Variants in CDH4 observed in about 807,000 individuals in gnomAD.
The protein encoded by CDH4 is cadherin-4.
In CDH4, 33 loss-of-function variants were observed where a neutral mutation model predicts 86.0. The observed-to-expected ratio is 0.38, with a 90% CI of 0.29 to 0.51. The LOEUF (loss-of-function observed/expected upper bound fraction) is 0.51. CDH4 is among the 20% of genes least tolerant of loss of function. The pLI is 0.86. For missense variants in CDH4, 1,114 were observed against 1,307.4 expected, an observed-to-expected ratio of 0.85 and a Z score of 2.28; for synonymous variants, 555 against 549.4, an observed-to-expected ratio of 1.01 and a Z score of -0.14.
chr20:61,899,540 A>G (rs2427231), intron 8 of CDH4, among the ~76,000 whole-genome samples: 149,239 of 152,128 alleles, frequency 0.98, 73,255 homozygotes, highest in Middle Eastern at 1. Flanking sequence ...CCATTCTCCT[A>G]CCTCAGCCTC....
chr20:61,304,110 G>T (rs1230330973), intron 2 of CDH4, among the ~76,000 whole-genome samples: 1 of 152,152 alleles, frequency 6.6e-6, no homozygotes, highest in African/African-American at 2.4e-5. Context: ...GAAGGAAAAG[G>T]CCAGGCATTC....
chr20:61,693,862 G>A (rs1422088579), intron 2 of CDH4, among the ~76,000 whole-genome samples: 2 of 146,142 alleles, frequency 1.4e-5, no homozygotes, highest in South Asian at 2.2e-4. Context: ...TACTGAAAAC[G>A]CTTCTCAGAC....
intron 4 of CDH4, among the ~76,000 whole-genome samples, chr20:61,782,094 G>A (rs1978576368): frequency 6.6e-6 from 1 of 152,154 alleles, no homozygotes; most frequent in Non-Finnish European, 1.5e-5. Flanking sequence ...ATCACCTGAG[G>A]TCAGGAGTTC....
intron 2 of CDH4, among the ~76,000 whole-genome samples, chr20:61,537,856 ACAG>A (rs764466728): frequency 8.8e-4 from 134 of 152,280 alleles, no homozygotes; most frequent in Non-Finnish European, 1.6e-3. Flanking sequence ...CAGAAACATC[ACAG>A]CGCCATGAAA....
At chr20:61,723,461 G>C (rs1471985007) in intron 2 of CDH4, among the ~76,000 whole-genome samples, 1 of 152,190 alleles carries the variant, frequency 6.6e-6, no homozygotes, top group Non-Finnish European at 1.5e-5. Context: ...CTCCGGGCTT[G>C]GCTTCCCTTT....
chr20:61,729,840 G>A (rs995994566), intron 2 of CDH4, among the ~76,000 whole-genome samples: 3 of 152,184 alleles, frequency 2.0e-5, no homozygotes, highest in Admixed American at 6.5e-5. Flanking sequence ...AGAGGGAGAC[G>A]CAAGTTTAAT....
rs369666908 is a variant in CDH4 at position 61,846,647 on chromosome 20, C to T, written c.732+1824C>T. Among the ~76,000 whole-genome samples the T allele has an allele frequency of 1.4e-4, 21 of 152,226 alleles. No homozygotes were observed. In the South Asian group the frequency reaches 3.3e-3, roughly 24 times the overall value. On this transcript the variant is annotated intron_variant, in intron 5 of 15. Transcript: ENST00000614565. ...GACAGAAATAAAGAGAGAGACTGAC[C>T]GTGAGAAACAGATTCAGAGACAGAG...
chr20:61,488,201 C>T (rs2085606968), intron 2 of CDH4, among the ~76,000 whole-genome samples: 1 of 152,190 alleles, frequency 6.6e-6, no homozygotes, highest in Non-Finnish European at 1.5e-5. Flanking sequence ...TATTATTCTG[C>T]CCTCCAAAAG....
chr20:61,469,884 G>A (rs530977082), intron 2 of CDH4, among the ~76,000 whole-genome samples: 3 of 152,076 alleles, frequency 2.0e-5, no homozygotes, highest in African/African-American at 4.8e-5. Flanking sequence ...ATGTGGATTT[G>A]TTTCTGGGTT....
chr20:61,621,494 T>C (rs1421124072), intron 2 of CDH4, among the ~76,000 whole-genome samples: 1 of 152,226 alleles, frequency 6.6e-6, no homozygotes, highest in African/African-American at 2.4e-5. Flanking sequence ...TTGCCTAAAA[T>C]ACCATGCAGT....
chr20:61,637,066 TTTTG>T (rs2086954982), intron 2 of CDH4, among the ~76,000 whole-genome samples: 1 of 152,092 alleles, frequency 6.6e-6, no homozygotes. Flanking sequence ...AGTTTGGGGT[TTTTG>T]TTTGTTTTGC....
intron 2 of CDH4, among the ~76,000 whole-genome samples, chr20:61,683,225 C>G (rs1419855144): frequency 6.6e-6 from 1 of 152,102 alleles, no homozygotes; most frequent in Non-Finnish European, 1.5e-5. Flanking sequence ...CAGTATAGGG[C>G]AGACGATAAG....
chr20:61,346,199 G>T (rs761471001), intron 2 of CDH4, among the ~76,000 whole-genome samples: 11 of 152,190 alleles, frequency 7.2e-5, no homozygotes, highest in Non-Finnish European at 1.3e-4. Context: ...GGGGCTGAGT[G>T]TGTCTGGAAG....
chr20:61,276,041 A>G (rs1279295616), intron 2 of CDH4, among the ~76,000 whole-genome samples: 3 of 152,194 alleles, frequency 2.0e-5, no homozygotes, highest in Admixed American at 1.3e-4. Flanking sequence ...GTTATGCAGG[A>G]GCACTGCAGA....
chr20:61,468,067 TGAAGGAGGCTCACTA>T (rs2085483136), intron 2 of CDH4, among the ~76,000 whole-genome samples: 1 of 152,206 alleles, frequency 6.6e-6, no homozygotes, highest in Non-Finnish European at 1.5e-5. Flanking sequence ...ATGTTGCCAG[TGAAGGAGGCTCACTA>T]GAGCCTCCAT....
chr20:61,494,488 T>C (rs747891185), intron 2 of CDH4, among the ~76,000 whole-genome samples: 1 of 152,254 alleles, frequency 6.6e-6, no homozygotes, highest in Non-Finnish European at 1.5e-5. Flanking sequence ...GGAAGGCTTT[T>C]CTTTTTCTCT....
At chr20:61,405,393 C>T (rs2085076313) in intron 2 of CDH4, among the ~76,000 whole-genome samples, 1 of 152,080 alleles carries the variant, frequency 6.6e-6, no homozygotes, top group African/African-American at 2.4e-5. Context: ...TTTTACAGTG[C>T]GGCCCTTTAT....
intron 2 of CDH4, among the ~76,000 whole-genome samples, chr20:61,296,562 C>T (rs1454216574): frequency 6.6e-6 from 1 of 151,898 alleles, no homozygotes; most frequent in Non-Finnish European, 1.5e-5. Flanking sequence ...CACACACAAA[C>T]AGAAATCAGT....
chr20:61,850,922 C>T lies in CDH4; in HGVS notation c.733-1832C>T, dbSNP rs114821097. Among the ~76,000 whole-genome samples, 588 of 152,364 alleles carry T rather than the reference C, an allele frequency of 3.9e-3. 9 individuals carry two copies. Among genetic ancestry groups the T allele is most frequent in the African/African-American group, 0.013 (543 of 41,584 alleles). ...GCAGAGGCGGTATTTCCTCGTTATC[C>T]GCACTCGCGCTGCTCCCGCTGCTAC... is the stretch of plus-strand genomic sequence containing the variant. On this transcript the variant is annotated intron_variant, in intron 5 of 15. Transcript: ENST00000614565.
Sources: allele counts gnomAD v4.1 joint callset (sites outside exome capture counted in the v4.1 genomes callset), GRCh38; gene constraint gnomAD v4.1.1; transcripts MANE v1.5; gene names NCBI Gene and HGNC (gene_info 2026-07-23, HGNC 2026-07-21).